The following CUL1 variants were observed in gnomAD, a reference collection of about 807,000 sequenced individuals.
CUL1 encodes the protein cullin 1.
Under a neutral mutation model 118.0 loss-of-function variants are expected in CUL1, and 24 were observed. That is an observed-to-expected ratio of 0.20 (90% CI 0.15 to 0.29). The LOEUF (loss-of-function observed/expected upper bound fraction) is 0.29, where lower values mean the gene tolerates loss of function less well. Ranked by LOEUF, CUL1 falls within the 10% of genes least tolerant of loss-of-function variation. The probability of loss-of-function intolerance (pLI) is 1.00; values close to 1 mark genes in which losing one functional copy is unlikely to be tolerated. For synonymous variants in CUL1, 332 were observed against 340.4 expected, an observed-to-expected ratio of 0.98 and a Z score of 0.27; for missense variants, 361 against 933.8, an observed-to-expected ratio of 0.39 and a Z score of 7.99.
intron 1 of CUL1, among the ~76,000 whole-genome samples, chr7:148,707,452 A>G (rs540765916): frequency 6.6e-6 from 1 of 152,330 alleles, no homozygotes; most frequent in East Asian, 1.9e-4. Context: ...TGTGTCATTT[A>G]CATGTTATTG....
chr7:148,742,598 G>GTTGTTTTTT (rs1799179497), intron 2 of CUL1, among the ~76,000 whole-genome samples: 1 of 112,162 alleles, frequency 8.9e-6, no homozygotes, highest in Non-Finnish European at 1.8e-5. Context: ...ACCTTTTCTG[G>GTTGTTTTTT]TTTTTTTTTT....
intron 2 of CUL1, among the ~76,000 whole-genome samples, chr7:148,745,046 C>G (rs1799266757): frequency 6.6e-6 from 1 of 151,950 alleles, no homozygotes; most frequent in Non-Finnish European, 1.5e-5. Context: ...CTTTGGTTTT[C>G]TAGAAGTTTT....
intron 1 of CUL1, among the ~76,000 whole-genome samples, chr7:148,711,632 T>A (rs1035851497): frequency 1.3e-5 from 2 of 152,094 alleles, no homozygotes; most frequent in East Asian, 3.8e-4. Context: ...TAGGGAAAAT[T>A]ACTGATCAGA....
intron 1 of CUL1, among the ~76,000 whole-genome samples, chr7:148,704,156 G>GCCCCCC (rs111577198): frequency 7.4e-6 from 1 of 135,910 alleles, no homozygotes; most frequent in African/African-American, 2.7e-5. Context: ...AACAAAAGCG[G>GCCCCCC]CCCCCCCCCA....
At chr7:148,708,445 C>T (rs1458717037) in intron 1 of CUL1, among the ~76,000 whole-genome samples, 1 of 152,240 alleles carries the variant, frequency 6.6e-6, no homozygotes, top group African/African-American at 2.4e-5. Context: ...ATACCTTCCT[C>T]TTTGGCCCCG....
chr7:148,708,226 T>C (rs1797947351), intron 1 of CUL1, among the ~76,000 whole-genome samples: 4 of 152,234 alleles, frequency 2.6e-5, no homozygotes, highest in Admixed American at 2.6e-4. Flanking sequence ...GCTAATAGCC[T>C]TCAGGGCTTT....
At position 148,709,622 on chromosome 7, in the gene CUL1, T is replaced by C. The variant is rs182670601; in HGVS notation, c.-162+10593T>C. Among the ~76,000 whole-genome samples the C allele has an allele frequency of 6.8e-4, 103 of 152,330 alleles. 1 individual carries two copies. The highest frequency in any genetic ancestry group is 1.8e-4 in the Non-Finnish European group (12 of 68,034). On this transcript the variant is annotated intron_variant, in intron 1 of 21. Transcript: ENST00000325222. The stretch of plus-strand genomic sequence containing the variant: ...AAGCTTGCTTGAGAAAATACACAAG[T>C]TAATGTAAATTGTATGAAATAAAAA...
chr7:148,763,356 A>G (rs1291017114), intron 7 of CUL1, among the ~76,000 whole-genome samples: 2 of 152,204 alleles, frequency 1.3e-5, no homozygotes, highest in African/African-American at 4.8e-5. Context: ...CACACCAAAC[A>G]CGACTTCCAT....
intron 2 of CUL1, among the ~76,000 whole-genome samples, chr7:148,744,793 A>G (rs1799257538): frequency 6.6e-6 from 1 of 152,178 alleles, no homozygotes; most frequent in South Asian, 2.1e-4. Flanking sequence ...TCTACTATGA[A>G]TTCCCTTAGT....
At chr7:148,739,678 G>T (rs1455351361) in intron 2 of CUL1, among the ~76,000 whole-genome samples, 2 of 152,114 alleles carry the variant, frequency 1.3e-5, no homozygotes, top group Admixed American at 1.3e-4. Flanking sequence ...CAAGTCTGAG[G>T]CTTGCTAATC....
At chr7:148,707,009 A>G (rs892286224) in intron 1 of CUL1, among the ~76,000 whole-genome samples, 4 of 152,108 alleles carry the variant, frequency 2.6e-5, no homozygotes, top group African/African-American at 7.2e-5. Context: ...ACAGGGAGAT[A>G]TATCTTATAG....
intron 7 of CUL1, among the ~76,000 whole-genome samples, 191 bp from the exon 8 acceptor site, chr7:148,766,370 C>T (rs1179747311): frequency 2.0e-5 from 3 of 152,166 alleles, no homozygotes; most frequent in Admixed American, 6.5e-5. Flanking sequence ...GAGCAATCCT[C>T]CTGCTTCAGC....
intron 1 of CUL1, among the ~76,000 whole-genome samples, chr7:148,700,604 G>A (rs1407245936): frequency 6.6e-6 from 1 of 152,200 alleles, no homozygotes; most frequent in Non-Finnish European, 1.5e-5. Context: ...AGTCGAAATA[G>A]TTGCGTTACA....
chr7:148,746,745 AG>A (rs1357966759), intron 2 of CUL1, among the ~76,000 whole-genome samples: 7 of 152,250 alleles, frequency 4.6e-5, no homozygotes, highest in Non-Finnish European at 7.3e-5. Context: ...AGTAAGTAAA[AG>A]TAAAAATTCC....
intron 2 of CUL1, among the ~76,000 whole-genome samples, chr7:148,737,822 T>A (rs981263432): frequency 6.6e-6 from 1 of 152,000 alleles, no homozygotes; most frequent in African/African-American, 2.4e-5. Context: ...GGTCTTGAGC[T>A]CCTGACCTCA....
chr7:148,752,934 G>A (rs536054378), intron 2 of CUL1, among the ~76,000 whole-genome samples: 2 of 152,314 alleles, frequency 1.3e-5, no homozygotes, highest in East Asian at 1.9e-4. Context: ...TTACAGGCGC[G>A]AGCCACCGCG....
intron 2 of CUL1, among the ~76,000 whole-genome samples, chr7:148,735,662 T>G (rs1235169195): frequency 6.6e-6 from 1 of 152,228 alleles, no homozygotes; most frequent in Non-Finnish European, 1.5e-5. Context: ...GAGTCTTACA[T>G]TAATCTGATT....
intron 9 of CUL1, among the ~76,000 whole-genome samples, chr7:148,777,952 A>G (rs1251043651): frequency 3.3e-5 from 5 of 151,086 alleles, no homozygotes; most frequent in Non-Finnish European, 5.9e-5. Context: ...AATCTCAGCT[A>G]CTTGGGAGGC....
chr7:148,752,483 AT>A (rs1359170789), intron 2 of CUL1, among the ~76,000 whole-genome samples: 2 of 151,940 alleles, frequency 1.3e-5, no homozygotes, highest in African/African-American at 4.8e-5. Flanking sequence ...TAGATTGGTT[AT>A]TTTATTAGGT....
Sources: allele counts gnomAD v4.1 joint callset (sites outside exome capture counted in the v4.1 genomes callset), GRCh38; gene constraint gnomAD v4.1.1; transcripts MANE v1.5; gene names NCBI Gene and HGNC (gene_info 2026-07-23, HGNC 2026-07-21).